Variants in AK7 observed in about 807,000 individuals in gnomAD.
AK7 encodes adenylate kinase 7, also known as ATP-AMP transphosphorylase 7.
In AK7, 78 loss-of-function variants were observed where a neutral mutation model predicts 96.6. That is an observed-to-expected ratio of 0.81 (90% CI 0.67 to 0.97). AK7 has a LOEUF of 0.97. Among genes scored for constraint, AK7 ranks in the 50% least tolerant of loss-of-function variants. The pLI is 0.00. For synonymous variants in AK7, 302 were observed against 317.2 expected, an observed-to-expected ratio of 0.95 and a Z score of 0.51; for missense variants, 855 against 887.9, an observed-to-expected ratio of 0.96 and a Z score of 0.47.
chr14:96,424,120 G>C (rs540249201), intron 5 of AK7: 1 of 647,302 alleles, frequency 1.5e-6, no homozygotes, highest in Non-Finnish European at 2.9e-6. Context: ...CTCGTCCACC[G>C]CCACCCCGTG....
At chr14:96,416,366 A>G (rs1891348907) in intron 4 of AK7, among the ~76,000 whole-genome samples, 1 of 151,112 alleles carries the variant, frequency 6.6e-6, no homozygotes, top group Non-Finnish European at 1.5e-5. Context: ...CAGCCTGGAG[A>G]CAGAGTGAGA....
Position 96,483,131 on chromosome 14 carries a change from G to A in AK7, c.1886G>A (p.Arg629Gln), listed in dbSNP as rs746706465. The A allele has an allele frequency of 9.9e-5, 159 of 1,613,986 alleles. No individual in the cohort carries two copies. Among genetic ancestry groups the A allele is most frequent in the Admixed American group, 3.3e-4 (20 of 59,998 alleles). ...GAGGAGCGGAAGGCTGCGGAGGAGC[G>A]GCTGGCCAGGGAGGCTGCTGAGGAA... ...AEEERKAAEERLAREAAEEAE... is the reference protein window; with the variant it reads ...AEEERKAAEEQLAREAAEEAE... Residue 629 changes from arginine to glutamine, a missense_variant, in exon 16 of 18, where the codon CGG (arginine) becomes CAG (glutamine). Transcript: ENST00000267584.
At chr14:96,408,785 C>T (rs1566763520) in intron 3 of AK7, 62 bp from the exon 4 acceptor site, 6 of 1,503,736 alleles carry the variant, frequency 4.0e-6, no homozygotes, top group Admixed American at 1.7e-5. Context: ...TAATAGTACA[C>T]GTGATTTAGA....
chr14:96,416,246 G>A (rs1191991680), intron 4 of AK7, among the ~76,000 whole-genome samples: 4 of 152,142 alleles, frequency 2.6e-5, no homozygotes, highest in Admixed American at 2.6e-4. Context: ...AATTAGCTGG[G>A]TGTGGTGGTG....
At position 96,420,598 on chromosome 14, in the gene AK7, C is replaced by T. The variant is rs1422531410; in HGVS notation, c.499-224C>T. Among the ~76,000 whole-genome samples the T allele has an allele frequency of 2.0e-5, 3 of 151,720 alleles. No homozygotes were observed. The East Asian group carries it at 5.8e-4, about 29-fold the overall frequency. On this transcript the variant is annotated intron_variant, in intron 4 of 17. Coordinates refer to ENST00000267584, the MANE Select transcript of AK7 (RefSeq NM_152327.5). The stretch of plus-strand genomic sequence containing the variant: ...GTATGGCCAGACTCGGTGGTTCATG[C>T]CTATAATCCCAGCACTTTGGAAGGC...
intron 15 of AK7, among the ~76,000 whole-genome samples, chr14:96,479,129 T>G (rs1010134463): frequency 1.3e-5 from 2 of 151,786 alleles, no homozygotes; most frequent in African/African-American, 2.4e-5. Context: ...CAGGCTGGAG[T>G]GCAGTGGCAC....
chr14:96,436,399 C>G (rs1282268203), intron 5 of AK7, among the ~76,000 whole-genome samples: 1 of 152,106 alleles, frequency 6.6e-6, no homozygotes, highest in African/African-American at 2.4e-5. Context: ...AATCCCAGCA[C>G]TTTGGGAGGC....
In AK7 at chr14:96,399,152, C is replaced by T. The variant is rs1236564485; in HGVS notation, c.294+889C>T. ...ACACTCGTTGTTATCACCTGTCTAT[C>T]GTGGGGGTCCATGGACACTGACTGT... On this transcript the variant is annotated intron_variant, in intron 2 of 17. Transcript: ENST00000267584. The surrounding 1 kb of genome is among the most constrained non-coding windows in gnomAD (Gnocchi z 4.1). 1 of 152,198 alleles carries T rather than the reference C, an allele frequency of 6.6e-6. No homozygotes were observed. The highest frequency in any genetic ancestry group is 1.5e-5 in the Non-Finnish European group (1 of 68,086). The allele number at this position is 152,198 out of a possible 1,614,324, so 9.4% of individuals were successfully genotyped here.
intron 10 of AK7, among the ~76,000 whole-genome samples, chr14:96,452,225 C>T (rs993128655): frequency 2.0e-5 from 3 of 152,112 alleles, no homozygotes; most frequent in Non-Finnish European, 2.9e-5. Flanking sequence ...AATTAACATC[C>T]GTGTTAACTC....
At chr14:96,435,183 G>A (rs2140077064) in intron 5 of AK7, among the ~76,000 whole-genome samples, 1 of 152,126 alleles carries the variant, frequency 6.6e-6, no homozygotes, top group Non-Finnish European at 1.5e-5. Context: ...GTTTTGGCCT[G>A]TAGTCACCAC....
intron 4 of AK7, among the ~76,000 whole-genome samples, chr14:96,419,857 C>G (rs1272844070): frequency 7.8e-6 from 1 of 127,632 alleles, no homozygotes; most frequent in African/African-American, 3.0e-5. Flanking sequence ...GGCGCGATTT[C>G]GGCTCACTGC....
At chr14:96,425,111 T>C (rs1217550185) in intron 5 of AK7, among the ~76,000 whole-genome samples, 1 of 152,238 alleles carries the variant, frequency 6.6e-6, no homozygotes, top group African/African-American at 2.4e-5. Context: ...CAATGATCTT[T>C]TTTGATCAGT....
chr14:96,457,359 C>A (rs1359676088), intron 11 of AK7, among the ~76,000 whole-genome samples: 1 of 152,146 alleles, frequency 6.6e-6, no homozygotes, highest in Non-Finnish European at 1.5e-5. Flanking sequence ...CCGTGCCAAG[C>A]CTGAAATGGC....
At chr14:96,420,544 TAATAA>T (rs144276618) in intron 4 of AK7, among the ~76,000 whole-genome samples, 63 of 149,526 alleles carry the variant, frequency 4.2e-4, no homozygotes, top group African/African-American at 1.1e-3. Flanking sequence ...AAATGAAATA[TAATAA>T]AATAAAATAA....
chr14:96,474,992 T>C (rs895007173), intron 14 of AK7, among the ~76,000 whole-genome samples: 2 of 152,212 alleles, frequency 1.3e-5, no homozygotes, highest in Non-Finnish European at 2.9e-5. Context: ...TCAGGTCTTC[T>C]CACTCCACTG....
intron 3 of AK7, among the ~76,000 whole-genome samples, chr14:96,405,488 C>T (rs1890658840): frequency 6.6e-6 from 1 of 152,066 alleles, no homozygotes; most frequent in African/African-American, 2.4e-5. Context: ...CTTACCAAAA[C>T]ATTTAACTTT....
chr14:96,487,112 C>T (rs1895813046), intron 17 of AK7, 56 bp downstream of exon 17: 2 of 1,579,412 alleles, frequency 1.3e-6, no homozygotes, highest in South Asian at 1.1e-5. Flanking sequence ...TGGCGGCTTA[C>T]ACCTGTAATC....
rs573408750 is a variant in AK7, at chr14:96,399,194, G to A, written c.294+931G>A. 5.9e-5 allele frequency: 9 copies of A among 152,302 alleles called. No homozygotes were observed. Among genetic ancestry groups the A allele is most frequent in the African/African-American group, 2.2e-4 (9 of 41,518 alleles). The allele number at this position is 152,302 out of a possible 1,614,324, so 9.4% of individuals were successfully genotyped here. On this transcript the variant is annotated intron_variant, in intron 2 of 17. Coordinates refer to ENST00000267584, the MANE Select transcript of AK7 (RefSeq NM_152327.5). This position sits in a 1 kb window ranked among gnomAD's most constrained non-coding sequence, Gnocchi z 4.1. ...ACTGACTGTCAGCTCCTTGAGGGTGGAGACCGTGACTTGTTTATCCCTGTG... is the reference window on the plus strand; with the variant it reads ...ACTGACTGTCAGCTCCTTGAGGGTGAAGACCGTGACTTGTTTATCCCTGTG...
intron 10 of AK7, among the ~76,000 whole-genome samples, chr14:96,453,056 G>A (rs574018342): frequency 6.6e-6 from 1 of 152,296 alleles, no homozygotes; most frequent in South Asian, 2.1e-4. Flanking sequence ...TGGAGGGAAT[G>A]CTCCACATAA....
Sources: allele counts gnomAD v4.1 joint callset (sites outside exome capture counted in the v4.1 genomes callset), GRCh38; gene constraint gnomAD v4.1.1; non-coding constraint Gnocchi (gnomAD v3.1); transcripts MANE v1.5; gene names NCBI Gene and HGNC (gene_info 2026-07-23, HGNC 2026-07-21).